The following MAPK9 variants were observed in gnomAD, a reference collection of about 807,000 sequenced individuals.
MAPK9 encodes the protein Jun kinase.
In MAPK9, 30 loss-of-function variants were observed where a neutral mutation model predicts 57.1. That is an observed-to-expected ratio of 0.53 (90% confidence interval 0.39 to 0.71). The LOEUF is 0.71. Among genes scored for constraint, MAPK9 ranks in the 30% least tolerant of loss-of-function variants. MAPK9 has a pLI of 0.00. For synonymous variants in MAPK9, 155 were observed against 177.0 expected (o/e 0.88, Z 0.99); for missense variants, 362 against 521.0 (o/e 0.69, Z 2.97).
intron 2 of MAPK9, among the ~76,000 whole-genome samples, chr5:180,279,362 A>G (rs374216689): frequency 2.6e-4 from 40 of 152,300 alleles, no homozygotes; most frequent in East Asian, 2.3e-3. Context: ...CATTCCTTCC[A>G]AACAGTCCCT....
intron 1 of MAPK9, among the ~76,000 whole-genome samples, chr5:180,283,460 C>G (rs1767740955): frequency 6.6e-6 from 1 of 152,238 alleles, no homozygotes; most frequent in Non-Finnish European, 1.5e-5. Flanking sequence ...ACCCCCCATT[C>G]AGGACCCCGT....
intron 4 of MAPK9, among the ~76,000 whole-genome samples, chr5:180,262,648 C>G (rs1218896793): frequency 6.6e-6 from 1 of 152,106 alleles, no homozygotes; most frequent in Non-Finnish European, 1.5e-5. Context: ...GTTGCCCAGG[C>G]TGGTCTCGAA....
At chr5:180,238,488 G>C (rs1757366875) in intron 10 of MAPK9, 85 bp from the exon 11 acceptor site, 2 of 962,746 alleles carry the variant, frequency 2.1e-6, no homozygotes, top group Admixed American at 3.8e-5. Context: ...AAATCAACTG[G>C]AACAAAGGCA....
intron 1 of MAPK9, among the ~76,000 whole-genome samples, chr5:180,283,742 C>T (rs1438776396): frequency 4.6e-5 from 7 of 152,140 alleles, no homozygotes; most frequent in African/African-American, 1.7e-4. Context: ...TTGAGAACAG[C>T]CTGGCCAACA....
chr5:180,277,575 C>T lies in MAPK9; in HGVS notation c.122+2865G>A, dbSNP rs1397208678. Among the ~76,000 whole-genome samples, 5 of 152,054 alleles carry T rather than the reference C, an allele frequency of 3.3e-5. No individual in the cohort carries two copies. In the South Asian group the frequency reaches 1.0e-3, roughly 31 times the overall value. ...AATATACAAATTCCAGGGATTAGGA[C>T]GTGGACATCTCAGGCGGGACCATTA... On this transcript the variant is annotated intron_variant, in intron 2 of 11. Coordinates refer to ENST00000452135, the MANE Select transcript of MAPK9 (RefSeq NM_002752.5).
rs1055612392 is a variant in MAPK9 at position 180,271,841 on chromosome 5, CTT to C, written c.123-2434_123-2433del. 4.6e-5 allele frequency among the ~76,000 whole-genome samples: 7 copies of C among 152,202 alleles called. No individual in the cohort carries two copies. In the East Asian group the frequency reaches 7.7e-4, roughly 17 times the overall value. ...ATCAACTGCTCAAACATCATGTCCT[CTT>C]TGTTTCATAATTAGACCATGATTTT... On this transcript the variant is annotated intron_variant, in intron 2 of 11. Transcript: ENST00000452135.
chr5:180,265,320 T>C (rs1196141652), intron 3 of MAPK9, among the ~76,000 whole-genome samples: 1 of 152,186 alleles, frequency 6.6e-6, no homozygotes, highest in African/African-American at 2.4e-5. Context: ...CACCCTGACA[T>C]GATTTGGCTG....
At chr5:180,263,401 C>G (rs7730091) in intron 4 of MAPK9, among the ~76,000 whole-genome samples, 2 of 151,946 alleles carry the variant, frequency 1.3e-5, no homozygotes, top group Non-Finnish European at 2.9e-5. Flanking sequence ...TGTTCCATGC[C>G]CCCACCCCTT....
intron 5 of MAPK9, among the ~76,000 whole-genome samples, chr5:180,255,482 A>G (rs6896513): frequency 0.43 from 64,554 of 151,872 alleles, 14,174 homozygotes; most frequent in African/African-American, 0.52. Context: ...CAAGACATCT[A>G]CATGTGCTGA....
intron 1 of MAPK9, among the ~76,000 whole-genome samples, chr5:180,287,438 G>C (rs140259865): frequency 1.2e-4 from 19 of 152,298 alleles, no homozygotes; most frequent in African/African-American, 4.6e-4. Flanking sequence ...GAGATTTGTT[G>C]AAAGTGTGCA....
chr5:180,277,356 G>T (rs989438656), intron 2 of MAPK9, among the ~76,000 whole-genome samples: 2 of 152,150 alleles, frequency 1.3e-5, no homozygotes, highest in Non-Finnish European at 2.9e-5. Flanking sequence ...TCTCTCAGCT[G>T]GTTGGAGGCT....
At chr5:180,262,270 C>T (rs540697970) in intron 4 of MAPK9, among the ~76,000 whole-genome samples, 1 of 152,184 alleles carries the variant, frequency 6.6e-6, no homozygotes, top group South Asian at 2.1e-4. Flanking sequence ...AATTGCTCTA[C>T]AATATATACG....
Position 180,239,867 on chromosome 5 carries a change from C to T in MAPK9, c.1060+57G>A, listed in dbSNP as rs1200370494. 4.6e-6 allele frequency: 7 copies of T among 1,526,578 alleles called. No homozygotes were observed. In the South Asian group the frequency reaches 5.6e-5, roughly 12 times the overall value. 94.6% of individuals were successfully genotyped at this position (1,526,578 alleles called of 1,614,324 possible). ...AATGTCACAAAATGAAAAGCCTCTG[C>T]TCTACAGGATTGGAAGAAATGTCAA... On this transcript the variant is annotated intron_variant, in intron 10 of 11. Coordinates refer to ENST00000452135, the MANE Select transcript of MAPK9 (RefSeq NM_002752.5).
At chr5:180,271,250 C>G (rs1370346621) in intron 2 of MAPK9, among the ~76,000 whole-genome samples, 1 of 152,206 alleles carries the variant, frequency 6.6e-6, no homozygotes, top group East Asian at 1.9e-4. Context: ...TGGGCATAAG[C>G]TTCCCCACTT....
At position 180,233,532 on chromosome 5, in the gene MAPK9, A is replaced by G. The variant is rs1250554972; in HGVS notation, c.*2852T>C. 6.6e-6 allele frequency: 1 copy of G among 152,260 alleles called. No individual in the cohort carries two copies. Among genetic ancestry groups the G allele is most frequent in the African/African-American group, 2.4e-5 (1 of 41,466 alleles). 9.4% of individuals were successfully genotyped at this position (152,260 alleles called of 1,614,324 possible). On this transcript the variant is annotated 3_prime_UTR_variant, in exon 12 of 12. Coordinates refer to ENST00000452135, the MANE Select transcript of MAPK9 (RefSeq NM_002752.5). The stretch of plus-strand genomic sequence containing the variant: ...GTTCATGTTAAATCTGTCATCAGAG[A>G]TGGTGATGGAGAAATATCTAATTGC...
In MAPK9 at chr5:180,247,608, A is replaced by G; in HGVS notation, c.617-98T>C. Reference sequence around the variant, plus strand: ...CAGTGCACTAAACACACAAATATGGAAAAATAAATTGCTAGCTAAGGGTGA... The same window carrying G: ...CAGTGCACTAAACACACAAATATGGGAAAATAAATTGCTAGCTAAGGGTGA... On this transcript the variant is annotated intron_variant, in intron 6 of 11. Transcript: ENST00000452135. This position sits in a 1 kb window ranked among gnomAD's most constrained non-coding sequence, Gnocchi z 4.5. 8.9e-7 allele frequency: 1 copy of G among 1,117,786 alleles called. No homozygotes were observed. Among genetic ancestry groups the G allele is most frequent in the Non-Finnish European group, 1.3e-6 (1 of 751,570 alleles). 69.2% of individuals were successfully genotyped at this position (1,117,786 alleles called of 1,614,324 possible).
At position 180,241,047 on chromosome 5, in the gene MAPK9, G is replaced by T. The variant is rs767706697; in HGVS notation, c.980C>A (p.Pro327His). Residue 327 changes from proline (P) to histidine (H), a missense_variant, in exon 9 of 12, where the codon CCC (proline) becomes CAC (histidine). By Grantham distance (77) the Pro-to-His change is moderately conservative. This residue lies in a region of MAPK9 where 199 missense variants were observed against 251.3 expected (regional missense o/e 0.79). Transcript: ENST00000452135. ...GATACTCACGGCTTCTGCTTCGGCG[G>T]GGTCATACCAAACAGTGATGTATGG... ...RHPYITVWYD[P>H]AEAEAPPPQI... The T allele has an allele frequency of 1.2e-6, 2 of 1,612,318 alleles. No homozygotes were observed. The highest frequency in any genetic ancestry group is 2.2e-5 in the South Asian group (2 of 90,812).
chr5:180,284,399 C>G (rs1284218791), intron 1 of MAPK9, among the ~76,000 whole-genome samples: 1 of 152,202 alleles, frequency 6.6e-6, no homozygotes, highest in Non-Finnish European at 1.5e-5. Context: ...TTTGTAGGGT[C>G]TGCCTCCCTT....
At chr5:180,288,122 C>T (rs1199885096) in intron 1 of MAPK9, among the ~76,000 whole-genome samples, 1 of 152,172 alleles carries the variant, frequency 6.6e-6, no homozygotes, top group Non-Finnish European at 1.5e-5. Context: ...CTTAGGAAGG[C>T]ATCTTGATGC....
Sources: gnomAD v4.1 joint callset for allele counts (sites outside exome capture counted in the v4.1 genomes callset) on GRCh38, gnomAD v4.1.1 for gene constraint, gnomAD v4.1.1 regional missense constraint, Gnocchi (gnomAD v3.1) non-coding constraint, MANE v1.5 for transcripts, NCBI Gene and HGNC (gene_info 2026-07-23, HGNC 2026-07-21) for gene names.